The following MED14 variants were observed in gnomAD, a reference collection of about 807,000 sequenced individuals.
The protein encoded by MED14 is mediator complex subunit 14, also known as mediator of RNA polymerase II transcription subunit 14.
In MED14, 8 loss-of-function variants were observed where a neutral mutation model predicts 109.0. The ratio of observed to expected loss-of-function variants is 0.07; its 90% CI spans 0.04 to 0.13. The LOEUF is 0.13. Among genes scored for constraint, MED14 ranks in the 10% least tolerant of loss-of-function variants. The probability of loss-of-function intolerance (pLI) is 1.00; values close to 1 mark genes in which losing one functional copy is unlikely to be tolerated. For synonymous variants in MED14, 399 were observed against 408.7 expected (o/e 0.98, Z 0.29); for missense variants, 711 against 1,142.4 (o/e 0.62, Z 5.44).
chrX:40,701,071 G>C lies in MED14; in HGVS notation c.1490+94C>G, dbSNP rs1041785785. On this transcript the variant is annotated intron_variant, in intron 12 of 30. Coordinates refer to ENST00000324817, the MANE Select transcript of MED14 (RefSeq NM_004229.4). ...TAAGTTTCATGTCATAAACCTTAAG[G>C]ACAGTGAATGACCAAGAGTAATGAT... The C allele has an allele frequency of 1.0e-5, 6 of 573,885 alleles. No individual in the cohort carries two copies. The African/African-American group carries it at 1.4e-4, about 13-fold the overall frequency. 47.3% of individuals were successfully genotyped at this position (573,885 alleles called of 1,213,427 possible). A position where few individuals can be genotyped will look rare whatever the true frequency, so the allele number is the denominator to read the frequency against.
chrX:40,655,425 C>CT (rs774080082), intron 28 of MED14, among the ~76,000 whole-genome samples: 54 of 111,377 alleles, frequency 4.8e-4, no homozygotes, highest in African/African-American at 1.6e-3. Flanking sequence ...GTGGCTGCCT[C>CT]TTCCAGTCCA....
intron 23 of MED14, among the ~76,000 whole-genome samples, chrX:40,671,483 A>G (rs1006962753): frequency 3.6e-5 from 4 of 112,097 alleles, no homozygotes; most frequent in African/African-American, 1.3e-4. Flanking sequence ...AAGCAGCCAT[A>G]GACATTATAT....
Position 40,709,453 on chromosome X carries a change from G to A in MED14, c.1180C>T (p.His394Tyr), listed in dbSNP as rs1196021129. Reference protein sequence around the residue: ...KLVERAMKIDHLSIEKLLIDS... With the variant: ...KLVERAMKIDYLSIEKLLIDS... ...ATCAGGAGTTTTTCTATTGATAAGT[G>A]GTCGATCTGCATAAATAAGAACAAC... The change falls in exon 10 of 31, where the codon CAC becomes TAC. Residue 394 changes from histidine to tyrosine, a missense_variant. This residue lies in a region of MED14 where 388 missense variants were observed against 517.3 expected (regional missense o/e 0.75). Coordinates refer to ENST00000324817, the MANE Select transcript of MED14 (RefSeq NM_004229.4). 9.5e-7 allele frequency: 1 copy of A among 1,053,541 alleles called. No individual in the cohort carries two copies. Among genetic ancestry groups the A allele is most frequent in the Non-Finnish European group, 1.3e-6 (1 of 779,727 alleles). The allele number at this position is 1,053,541 out of a possible 1,213,427, so 86.8% of individuals were successfully genotyped here.
At chrX:40,735,744 G>A (rs187429186), upstream of MED14, 1 of 405,113 alleles carries the variant, frequency 2.5e-6, no homozygotes, top group Non-Finnish European at 4.6e-6. Context: ...CGAGGCGGAA[G>A]TCGATCGGCA....
At position 40,729,930 on chromosome X, in the gene MED14, T is replaced by C. The variant is rs780036194; in HGVS notation, c.216-585A>G. 8.0e-5 allele frequency among the ~76,000 whole-genome samples: 9 copies of C among 112,571 alleles called. No individual in the cohort carries two copies. In the South Asian group the frequency reaches 3.3e-3, roughly 41 times the overall value. On this transcript the variant is annotated intron_variant, in intron 1 of 30. Transcript: ENST00000324817. ...CTTTTTGCTAGTCCTCCAATACTGA[T>C]AGCCAGCAACCAATGTCAACTTCTT...
intron 26 of MED14, among the ~76,000 whole-genome samples, chrX:40,660,631 C>T (rs1020980451): frequency 1.1e-4 from 12 of 111,614 alleles, no homozygotes; most frequent in Non-Finnish European, 1.3e-4. Context: ...CACCAGGGGC[C>T]GTAGTTTACT....
intron 10 of MED14, among the ~76,000 whole-genome samples, chrX:40,706,487 C>T (rs1209631865): frequency 9.0e-6 from 1 of 111,478 alleles, no homozygotes; most frequent in Non-Finnish European, 1.9e-5. Context: ...CACATTCCTA[C>T]TAGAGTTTAA....
At chrX:40,675,398 C>T (rs748890274) in intron 21 of MED14, 37 bp from the exon 22 acceptor site, 10 of 998,193 alleles carry the variant, frequency 1.0e-5, no homozygotes, top group South Asian at 2.8e-5. Context: ...GATTATTTTA[C>T]CTAACATTAT....
chrX:40,710,327 C>A (rs1312742542), intron 8 of MED14, among the ~76,000 whole-genome samples, 198 bp from the exon 9 acceptor site: 2 of 111,634 alleles, frequency 1.8e-5, no homozygotes, highest in Non-Finnish European at 3.8e-5. Flanking sequence ...TTAAAAAAGA[C>A]ATATAATTTA....
intron 20 of MED14, 107 bp downstream of exon 20, chrX:40,680,651 C>A (rs1930076813): frequency 3.0e-6 from 2 of 669,753 alleles, no homozygotes; most frequent in Non-Finnish European, 4.4e-6. Context: ...CTCCTGAGCA[C>A]AAGCAATCCT....
chrX:40,707,039 T>C (rs775121917), intron 10 of MED14, among the ~76,000 whole-genome samples: 2 of 111,235 alleles, frequency 1.8e-5, no homozygotes, highest in East Asian at 5.6e-4. Flanking sequence ...TGTGGTAGGA[T>C]TGCTTGAGCC....
chrX:40,698,890 C>T (rs1930823483), intron 12 of MED14, among the ~76,000 whole-genome samples: 1 of 112,024 alleles, frequency 8.9e-6, no homozygotes, highest in East Asian at 2.8e-4. Flanking sequence ...TTACTGTACG[C>T]CCTAGCAGTT....
chrX:40,712,857 T>TA (rs5902262), intron 6 of MED14, 57 bp downstream of exon 6: 19,044 of 1,039,108 alleles, frequency 0.018, 149 homozygotes, highest in Middle Eastern at 0.067. Flanking sequence ...TTCAATAATA[T>TA]AAAAAATCAA....
At chrX:40,655,646 A>G (rs1929029122) in intron 28 of MED14, among the ~76,000 whole-genome samples, 1 of 112,446 alleles carries the variant, frequency 8.9e-6, no homozygotes, top group Non-Finnish European at 1.9e-5. Flanking sequence ...AACTGTGTGA[A>G]AGATTTTTAA....
Position 40,682,640 on chromosome X carries a change from T to C in MED14, c.2328A>G (p.Leu776=). Reference sequence around the variant, plus strand: ...GTGCAAATTCCAACACACACTCATATAATCGTGCAATGCTATTCCAGTCAT... The same window carrying C: ...GTGCAAATTCCAACACACACTCATACAATCGTGCAATGCTATTCCAGTCAT... The part of the protein sequence containing the change: ...FLNDWNSIAR[L]YECVLEFARS... Residue 776 remains leucine (L), a synonymous_variant, in exon 18 of 31, where the codon TTA becomes TTG. Coordinates refer to ENST00000324817, the MANE Select transcript of MED14 (RefSeq NM_004229.4). 6 of 1,193,484 alleles carry C rather than the reference T, an allele frequency of 5.0e-6. No homozygotes were observed. The highest frequency in any genetic ancestry group is 6.8e-6 in the Non-Finnish European group (6 of 885,330).
At chrX:40,662,819 G>C (rs1929336835) in intron 26 of MED14, 106 bp downstream of exon 26, 3 of 546,170 alleles carry the variant, frequency 5.5e-6, no homozygotes, top group African/African-American at 2.3e-5. Context: ...CTTGTTAAAG[G>C]AGGGAAGGTG....
intron 2 of MED14, among the ~76,000 whole-genome samples, chrX:40,727,598 G>A (rs7061019): frequency 0.078 from 8,710 of 111,081 alleles, 653 homozygotes; most frequent in African/African-American, 0.22. Context: ...GTCAATCAAC[G>A]TGTTAGCTAG....
chrX:40,701,645 C>T (rs1187863853), intron 11 of MED14, among the ~76,000 whole-genome samples: 1 of 111,711 alleles, frequency 9.0e-6, no homozygotes, highest in African/African-American at 3.3e-5. Flanking sequence ...AAAAACTCCA[C>T]TGAAATATTT....
chrX:40,658,737 C>T (rs1232912974), intron 28 of MED14, among the ~76,000 whole-genome samples: 1 of 104,025 alleles, frequency 9.6e-6, no homozygotes, highest in Non-Finnish European at 2.0e-5. Flanking sequence ...GTGGCGTGCA[C>T]CTGTAGTCCC....
Sources: allele counts gnomAD v4.1 joint callset (sites outside exome capture counted in the v4.1 genomes callset), GRCh38; gene constraint gnomAD v4.1.1; regional missense constraint gnomAD v4.1.1; transcripts MANE v1.5; gene names NCBI Gene and HGNC (gene_info 2026-07-23, HGNC 2026-07-21).